SOX5: variants seen among roughly 807,000 people sequenced by gnomAD.
The protein encoded by SOX5 is SRY-box transcription factor 5.
In SOX5, 9 loss-of-function variants were observed where a neutral mutation model predicts 92.0. The observed-to-expected ratio is 0.10, with a 90% CI of 0.06 to 0.17. SOX5 has a LOEUF of 0.17. Among genes scored for constraint, SOX5 ranks in the 10% least tolerant of loss-of-function variants. The pLI is 1.00. For missense variants in SOX5, 642 were observed against 944.5 expected (o/e 0.68, Z 4.20); for synonymous variants, 344 against 336.3 (o/e 1.02, Z -0.25).
At chr12:23,625,543 G>C (rs2138226837) in intron 8 of SOX5, among the ~76,000 whole-genome samples, 1 of 152,224 alleles carries the variant, frequency 6.6e-6, no homozygotes, top group South Asian at 2.1e-4. Flanking sequence ...CCCAATTCCA[G>C]CTCTTGACTC....
intron 3 of SOX5, among the ~76,000 whole-genome samples, chr12:23,815,057 A>G (rs2095960725): frequency 6.6e-6 from 1 of 152,198 alleles, no homozygotes; most frequent in South Asian, 2.1e-4. Flanking sequence ...TTTTCCTTCA[A>G]GAAATCTTTA....
intron 3 of SOX5, among the ~76,000 whole-genome samples, chr12:24,225,135 A>G (rs1961593567): frequency 6.6e-6 from 1 of 152,168 alleles, no homozygotes. Context: ...AAAAGTATAA[A>G]CCTCATTGTG....
At chr12:24,171,215 T>G (rs1954080996) in intron 4 of SOX5, among the ~76,000 whole-genome samples, 2 of 49,756 alleles carry the variant, frequency 4.0e-5, no homozygotes, top group Non-Finnish European at 9.1e-5. Flanking sequence ...ACAGTTTTTT[T>G]TGTTTGTTTG....
chr12:24,198,138 C>T (rs1336922242), intron 4 of SOX5, among the ~76,000 whole-genome samples: 1 of 152,082 alleles, frequency 6.6e-6, no homozygotes, highest in Non-Finnish European at 1.5e-5. Flanking sequence ...GCCCATCCAT[C>T]GTTCAAAACT....
intron 1 of SOX5, among the ~76,000 whole-genome samples, chr12:23,907,447 T>A (rs1205428002): frequency 6.6e-6 from 1 of 152,172 alleles, no homozygotes; most frequent in Non-Finnish European, 1.5e-5. Context: ...GTTTTGTGTA[T>A]TTTAAAGGAA....
At chr12:24,545,567 G>A (rs1249383141) in intron 1 of SOX5, among the ~76,000 whole-genome samples, 5 of 152,192 alleles carry the variant, frequency 3.3e-5, no homozygotes, top group Non-Finnish European at 7.4e-5. Context: ...GTAAACCCAG[G>A]AAAATGGCAG....
intron 1 of SOX5, among the ~76,000 whole-genome samples, chr12:23,912,265 T>C (rs2097360281): frequency 6.6e-6 from 1 of 152,094 alleles, no homozygotes. Flanking sequence ...ACAGCATTAG[T>C]TATCAAGGAA....
At chr12:23,570,976 TA>T (rs1948263977) in intron 10 of SOX5, among the ~76,000 whole-genome samples, 1 of 116,902 alleles carries the variant, frequency 8.6e-6, no homozygotes, top group African/African-American at 3.4e-5. Context: ...TATATATATA[TA>T]TATATATTTT....
chr12:24,516,324 AG>A (rs1449654483), intron 1 of SOX5, among the ~76,000 whole-genome samples: 1 of 152,118 alleles, frequency 6.6e-6, no homozygotes, highest in Non-Finnish European at 1.5e-5. Context: ...CCAGAATTCC[AG>A]GTGTGAGCCA....
At chr12:24,289,540 G>A (rs1263415665) in intron 2 of SOX5, among the ~76,000 whole-genome samples, 4 of 117,226 alleles carry the variant, frequency 3.4e-5, no homozygotes, top group African/African-American at 4.9e-5. Flanking sequence ...TGCAAGCTCC[G>A]CCTCCCGGGT....
intron 2 of SOX5, among the ~76,000 whole-genome samples, chr12:24,354,887 T>A (rs1259914312): frequency 4.6e-5 from 7 of 152,194 alleles, no homozygotes; most frequent in Admixed American, 2.6e-4. Flanking sequence ...CAATCAAGGA[T>A]GCTTAAATCA....
At chr12:24,385,747 G>T (rs1453330518) in intron 1 of SOX5, among the ~76,000 whole-genome samples, 1 of 151,824 alleles carries the variant, frequency 6.6e-6, no homozygotes, top group East Asian at 1.9e-4. Context: ...AGACCAGCAG[G>T]GGCAACGTAG....
rs1000312445 is a variant in SOX5 at position 23,581,955 on chromosome 12, T to G, written c.1165-6117A>C. ...TTCTTCCTCTGCATGATTTGAAAAC[T>G]GTGATTGTCCCCATGTTTATCATAA... is the stretch of plus-strand genomic sequence containing the variant. On this transcript the variant is annotated intron_variant, in intron 9 of 14. Coordinates refer to ENST00000451604, the MANE Select transcript of SOX5 (RefSeq NM_006940.6). 3.3e-5 allele frequency among the ~76,000 whole-genome samples: 5 copies of G among 152,104 alleles called. No individual in the cohort carries two copies. The South Asian group carries it at 8.3e-4, about 25-fold the overall frequency.
rs76363881 is a variant in SOX5, at chr12:24,436,001, A to T, written c.-250-67362T>A. Among the ~76,000 whole-genome samples, 871 of 152,320 alleles carry T rather than the reference A, an allele frequency of 5.7e-3. 8 individuals carry two copies. Among genetic ancestry groups the T allele is most frequent in the Non-Finnish European group, 0.01 (688 of 68,020 alleles). On this transcript the variant is annotated intron_variant, in intron 1 of 4. Transcript: ENST00000446891. Reference sequence around the variant, plus strand: ...ATGCAACAAACCAAGCCCGTATAAGAAGGCAAACTTAATTGATAGATATTG... The same window carrying T: ...ATGCAACAAACCAAGCCCGTATAAGTAGGCAAACTTAATTGATAGATATTG...
At chr12:24,016,444 A>T (rs147159993) in intron 4 of SOX5, among the ~76,000 whole-genome samples, 170 of 152,252 alleles carry the variant, frequency 1.1e-3, no homozygotes, top group African/African-American at 3.9e-3. Context: ...ATAACTACTG[A>T]CTAAAAACCA....
chr12:24,120,804 G>T (rs1948532969), intron 4 of SOX5, among the ~76,000 whole-genome samples: 1 of 152,184 alleles, frequency 6.6e-6, no homozygotes, highest in Admixed American at 6.5e-5. Flanking sequence ...GTTTAGTCTT[G>T]ATTGATTTAT....
In SOX5 at chr12:24,308,998, G is replaced by A. The variant is rs529534918; in HGVS notation, c.-173-31686C>T. ...CAGAGCAGTGAACTGAATCAGCAAT[G>A]AATGTGAAAAGCAATGCTGTTAATA... On this transcript the variant is annotated intron_variant, in intron 2 of 4. Coordinates refer to the SOX5 transcript ENST00000446891. Among the ~76,000 whole-genome samples, 4 of 152,306 alleles carry A rather than the reference G, an allele frequency of 2.6e-5. No homozygotes were observed. The South Asian group carries it at 8.3e-4, about 32-fold the overall frequency.
At chr12:24,436,086 C>T (rs565446189) in intron 1 of SOX5, among the ~76,000 whole-genome samples, 135 of 152,234 alleles carry the variant, frequency 8.9e-4, no homozygotes, top group African/African-American at 3.2e-3. Context: ...TCTCCTTGGG[C>T]CTTTTTTATT....
At chr12:23,848,867 A>C (rs571493649) in intron 2 of SOX5, among the ~76,000 whole-genome samples, 1 of 152,314 alleles carries the variant, frequency 6.6e-6, no homozygotes, top group South Asian at 2.1e-4. Context: ...AGAGGTCTCT[A>C]AACTTTCAGA....
Sources: allele counts gnomAD v4.1 joint callset (sites outside exome capture counted in the v4.1 genomes callset), GRCh38; gene constraint gnomAD v4.1.1; transcripts MANE v1.5; gene names NCBI Gene and HGNC (gene_info 2026-07-23, HGNC 2026-07-21).